Variants in RANBP2 observed in about 807,000 individuals in gnomAD.
The protein encoded by RANBP2 is E3 SUMO-protein ligase RanBP2.
In RANBP2, 57 loss-of-function variants were observed where a neutral mutation model predicts 303.6. The ratio of observed to expected loss-of-function variants is 0.19; its 90% confidence interval spans 0.15 to 0.23. The LOEUF is 0.23. Among genes scored for constraint, RANBP2 ranks in the 10% least tolerant of loss-of-function variants. The pLI is 1.00. For synonymous variants in RANBP2, 1,167 were observed against 1,301.5 expected (o/e 0.90, Z 2.23); for missense variants, 3,138 against 3,780.8 (o/e 0.83, Z 4.46).
At chr2:109,244,717 T>C in the RANBP2 span, among the ~76,000 whole-genome samples, 1 of 152,190 alleles carries the variant, frequency 6.6e-6, no homozygotes, top group African/African-American at 2.4e-5. Context: ...TCACAGCCTC[T>C]AGAGACAGGA....
chr2:109,242,562 T>C, the RANBP2 span, among the ~76,000 whole-genome samples: 1 of 152,218 alleles, frequency 6.6e-6, no homozygotes, highest in Non-Finnish European at 1.5e-5. Context: ...GTGTCTGCAC[T>C]GACCACCGTG....
the RANBP2 span, among the ~76,000 whole-genome samples, chr2:108,942,622 C>T: frequency 6.6e-6 from 1 of 152,242 alleles, no homozygotes; most frequent in South Asian, 2.1e-4. Flanking sequence ...GTGAGGCGGG[C>T]GGTTCCGCCA....
chr2:108,929,466 G>T, the RANBP2 span: 2 of 1,396,386 alleles, frequency 1.4e-6, no homozygotes, highest in Non-Finnish European at 2.0e-6. Context: ...GCAGTGACGT[G>T]CCAGCTGTCT....
chr2:109,264,223 G>A, the RANBP2 span, among the ~76,000 whole-genome samples: 51 of 136,344 alleles, frequency 3.7e-4, no homozygotes, highest in Middle Eastern at 4.2e-3. Flanking sequence ...GATCCACTCC[G>A]AGTCTGTGGG....
At chr2:108,871,556 A>G in the RANBP2 span, among the ~76,000 whole-genome samples, 1 of 152,110 alleles carries the variant, frequency 6.6e-6, no homozygotes, top group African/African-American at 2.4e-5. Context: ...TAGCTCCAAA[A>G]AAAATAAAAG....
chr2:109,557,045 T>C, the RANBP2 span, among the ~76,000 whole-genome samples: 2 of 151,936 alleles, frequency 1.3e-5, no homozygotes, highest in East Asian at 3.9e-4. Flanking sequence ...GCGGGAGGGA[T>C]AGCATTAGGA....
chr2:109,527,993 G>T, the RANBP2 span, among the ~76,000 whole-genome samples: 1 of 152,208 alleles, frequency 6.6e-6, no homozygotes, highest in African/African-American at 2.4e-5. Context: ...CGGGAGGACG[G>T]GTGGATAGTC....
the RANBP2 span, chr2:109,614,464 C>A: frequency 1.6e-6 from 2 of 1,215,772 alleles, no homozygotes; most frequent in Non-Finnish European, 2.0e-6. Flanking sequence ...GAGCCGCCCG[C>A]TGGCGGGGGA....
chr2:109,346,375 T>C, the RANBP2 span, among the ~76,000 whole-genome samples: 3 of 152,238 alleles, frequency 2.0e-5, 1 homozygote, highest in East Asian at 5.8e-4. Flanking sequence ...TTTTTCGATG[T>C]ACTACTGCTT....
chr2:108,871,735 G>T, the RANBP2 span, among the ~76,000 whole-genome samples: 22 of 152,258 alleles, frequency 1.4e-4, no homozygotes, highest in East Asian at 3.7e-3. Flanking sequence ...CAGCCTGAAA[G>T]ATGAAATACA....
the RANBP2 span, among the ~76,000 whole-genome samples, chr2:108,937,751 A>ATGAATGTATGTGTG: frequency 6.6e-6 from 1 of 151,924 alleles, no homozygotes; most frequent in Non-Finnish European, 1.5e-5. Flanking sequence ...GTGTATGCAT[A>ATGAATGTATGTGTG]TGAATGTATG....
At chr2:109,456,532 C>T in the RANBP2 span, among the ~76,000 whole-genome samples, 1 of 152,190 alleles carries the variant, frequency 6.6e-6, no homozygotes, top group African/African-American at 2.4e-5. Flanking sequence ...TGGGGCAGGG[C>T]AGTGGCCCAG....
chr2:109,045,130 G>A, the RANBP2 span, among the ~76,000 whole-genome samples: 1 of 152,070 alleles, frequency 6.6e-6, no homozygotes, highest in Non-Finnish European at 1.5e-5. Flanking sequence ...TAAGTGCAGG[G>A]ACATCTGAGG....
rs1676779646 is a variant in RANBP2 at position 108,762,184 on chromosome 2, A to G, written c.2686A>G (p.Thr896Ala). The part of the protein sequence containing the change: ...QYLLRPAANV[T>A]PTKGPVYGMN... ...TCTTCTCAGACCAGCAGCTAATGTT[A>G]CTCCCACAAAGGTAACAAAGGAATA... The change falls in exon 19 of 29, where the codon ACT (threonine) becomes GCT (alanine). Residue 896 changes from threonine to alanine, a missense_variant. Coordinates refer to ENST00000283195, the MANE Select transcript of RANBP2 (RefSeq NM_006267.5). 6.3e-6 allele frequency: 10 copies of G among 1,588,620 alleles called. No individual in the cohort carries two copies. The highest frequency in any genetic ancestry group is 1.4e-5 in the African/African-American group (1 of 73,286).
chr2:109,764,266 T>A, the RANBP2 span, among the ~76,000 whole-genome samples: 3 of 148,364 alleles, frequency 2.0e-5, 1 homozygote, highest in South Asian at 4.5e-4. Flanking sequence ...AGTTGGGCAT[T>A]CCGTGAGTTT....
At chr2:109,717,284 A>AC in the RANBP2 span, among the ~76,000 whole-genome samples, 2 of 151,248 alleles carry the variant, frequency 1.3e-5, no homozygotes, top group Admixed American at 1.3e-4. Flanking sequence ...AAAAAAAAAA[A>AC]AAAAAAACCC....
At chr2:109,613,710 C>T in the RANBP2 span, 1 of 905,186 alleles carries the variant, frequency 1.1e-6, no homozygotes, top group Non-Finnish European at 1.4e-6. Context: ...AATCCCGGGC[C>T]GGACCAGGGG....
the RANBP2 span, chr2:108,912,816 A>G: frequency 4.8e-6 from 7 of 1,445,102 alleles, no homozygotes; most frequent in South Asian, 8.5e-5. Flanking sequence ...CCACCTTCAA[A>G]GACGCTGCCA....
the RANBP2 span, among the ~76,000 whole-genome samples, chr2:109,421,370 C>T: frequency 6.6e-6 from 1 of 152,204 alleles, no homozygotes; most frequent in Non-Finnish European, 1.5e-5. Flanking sequence ...GAGCAAAGGC[C>T]TCCCCTTCCT....
Sources: allele counts gnomAD v4.1 joint callset (sites outside exome capture counted in the v4.1 genomes callset), GRCh38; gene constraint gnomAD v4.1.1; transcripts MANE v1.5; gene names NCBI Gene and HGNC (gene_info 2026-07-23, HGNC 2026-07-21).